ACOT1: variants seen among roughly 807,000 people sequenced by gnomAD.
ACOT1 encodes the protein acyl-coenzyme A thioesterase 1.
ACOT1 carries 8 observed loss-of-function variants against 15.7 expected under a neutral mutation model. The observed-to-expected ratio is 0.51, with a 90% CI of 0.30 to 0.92. The LOEUF (loss-of-function observed/expected upper bound fraction) is 0.92. Among genes scored for constraint, ACOT1 ranks in the 40% least tolerant of loss-of-function variants. The probability of loss-of-function intolerance (pLI) is 0.06; values close to 1 mark genes in which losing one functional copy is unlikely to be tolerated. For missense variants in ACOT1, 151 were observed against 539.4 expected (o/e 0.28, Z 7.13); for synonymous variants, 67 against 241.2 (o/e 0.28, Z 6.69).
chr14:73,498,337 TC>T, the ACOT1 span: 1 of 1,598,108 alleles, frequency 6.3e-7, no homozygotes, highest in Non-Finnish European at 8.6e-7. Flanking sequence ...GCCCAATCTG[TC>T]CCAAAGCTGC....
At chr14:73,536,516 TAAAAAAA>T (rs543491523), upstream of ACOT1, among the ~76,000 whole-genome samples, 24 of 59,338 alleles carry the variant, frequency 4.0e-4, 7 homozygotes, top group African/African-American at 1.4e-3. Context: ...CCTGTCTCTT[TAAAAAAA>T]AAAAAAAAAA....
chr14:73,519,270 A>G, the ACOT1 span: 1 of 1,160,560 alleles, frequency 8.6e-7, no homozygotes, highest in South Asian at 1.7e-5. Flanking sequence ...GCCCTAATCT[A>G]AGCCCCTAGG....
In ACOT1 at chr14:73,540,844, C is replaced by T. The variant is rs1237024539; in HGVS notation, c.458-649C>T. On this transcript the variant is annotated intron_variant, in intron 1 of 2. Transcript: ENST00000311148. ...GCAACCTCCAACTCCCGGGTTCAAG[C>T]GATTCTCCTCCCTCAGCCTCCCGAG... 7.4e-5 allele frequency among the ~76,000 whole-genome samples: 8 copies of T among 108,286 alleles called. 1 individual carries two copies. The highest frequency in any genetic ancestry group is 1.9e-4 in the African/African-American group (6 of 31,078). 71.0% of individuals were successfully genotyped at this position (108,286 alleles called of 152,430 possible). A position where few individuals can be genotyped will look rare whatever the true frequency, so the allele number is the denominator to read the frequency against.
At chr14:73,492,544 T>A in the ACOT1 span, 2 of 1,613,720 alleles carry the variant, frequency 1.2e-6, no homozygotes, top group Non-Finnish European at 1.7e-6. This position sits in a 1 kb window ranked among gnomAD's most constrained non-coding sequence, Gnocchi z 4.9. Flanking sequence ...TTCACGATTC[T>A]CTGCCCCCTG....
chr14:73,494,680 A>G, the ACOT1 span, among the ~76,000 whole-genome samples: 10 of 152,062 alleles, frequency 6.6e-5, no homozygotes, highest in Non-Finnish European at 2.9e-5. Context: ...CCTCCTTAGT[A>G]GATAGGACTA....
At chr14:73,522,982 T>G in the ACOT1 span, 76 of 1,614,076 alleles carry the variant, frequency 4.7e-5, no homozygotes, top group Non-Finnish European at 6.4e-5. Context: ...TCTTGCGGTG[T>G]AGACGGTACT....
chr14:73,500,778 C>A, the ACOT1 span: 2 of 1,569,066 alleles, frequency 1.3e-6, no homozygotes, highest in Non-Finnish European at 1.7e-6. Context: ...ACTTTCAGTA[C>A]CTAACCCCCA....
the ACOT1 span, among the ~76,000 whole-genome samples, chr14:73,501,587 T>C: frequency 2.8e-4 from 42 of 148,694 alleles, no homozygotes; most frequent in Non-Finnish European, 8.9e-5. Flanking sequence ...TTTTTTTTTT[T>C]TTTTGAGATA....
chr14:73,532,201 C>T (rs954790554), upstream of ACOT1, among the ~76,000 whole-genome samples: 3 of 114,716 alleles, frequency 2.6e-5, no homozygotes, highest in African/African-American at 5.7e-5. Context: ...AGAAGCTGTC[C>T]GTTGACTTTT....
the ACOT1 span, chr14:73,517,212 A>G: frequency 6.6e-6 from 1 of 152,264 alleles, no homozygotes; most frequent in Non-Finnish European, 1.5e-5. Context: ...GGTGCGTGCC[A>G]CCATGCCCAA....
rs1889129859 is a variant in ACOT1, at chr14:73,542,652, C to T, written c.661-398C>T. 3.6e-5 allele frequency among the ~76,000 whole-genome samples: 4 copies of T among 110,836 alleles called. 2 individuals carry two copies. The highest frequency in any genetic ancestry group is 5.7e-4 in the South Asian group (2 of 3,490). 72.7% of individuals were successfully genotyped at this position (110,836 alleles called of 152,430 possible). A position where few individuals can be genotyped will look rare whatever the true frequency, so the allele number is the denominator to read the frequency against. The stretch of plus-strand genomic sequence containing the variant: ...AACTCCTGACCTCAAATGATCCACC[C>T]GCCTCAGCCTCCCAAACTGTTGGGA... On this transcript the variant is annotated intron_variant, in intron 2 of 2. Coordinates refer to ENST00000311148, the MANE Select transcript of ACOT1 (RefSeq NM_001037161.2).
the ACOT1 span, among the ~76,000 whole-genome samples, chr14:73,523,897 G>A: frequency 2.0e-5 from 3 of 152,118 alleles, no homozygotes; most frequent in Admixed American, 2.0e-4. Flanking sequence ...AAATATTTGA[G>A]ACTCTAATTC....
rs771091368 is a variant in ACOT1, at chr14:73,537,491, C to T, written c.70C>T (p.Arg24Cys). The change falls in exon 1 of 3, where the codon CGC becomes TGC. Residue 24 changes from arginine to cysteine, a missense_variant. Coordinates refer to ENST00000311148, the MANE Select transcript of ACOT1 (RefSeq NM_001037161.2). ...GGACGAACCGGTGCGAATCGCCGTG[C>T]GCGGCCTAGCCCCGGAGCAGCCGGT... ...CWDEPVRIAV[R>C]GLAPEQPVTL... 2.5e-6 allele frequency: 3 copies of T among 1,221,360 alleles called. No homozygotes were observed. Among genetic ancestry groups the T allele is most frequent in the South Asian group, 1.4e-5 (1 of 70,034 alleles). 75.7% of individuals were successfully genotyped at this position (1,221,360 alleles called of 1,614,324 possible). A position where few individuals can be genotyped will look rare whatever the true frequency, so the allele number is the denominator to read the frequency against.
the ACOT1 span, among the ~76,000 whole-genome samples, chr14:73,505,466 G>A: frequency 0.025 from 3,743 of 151,610 alleles, 163 homozygotes; most frequent in African/African-American, 0.086. Context: ...GTGCGATCTC[G>A]GCTCACTGCA....
chr14:73,516,705 T>C, the ACOT1 span, among the ~76,000 whole-genome samples: 1 of 152,028 alleles, frequency 6.6e-6, no homozygotes, highest in Admixed American at 6.6e-5. Context: ...CAACAGGATG[T>C]GAGTGGTGGG....
At chr14:73,529,015 A>C in the ACOT1 span, 19 of 152,248 alleles carry the variant, frequency 1.2e-4, no homozygotes, top group African/African-American at 4.6e-4. Context: ...CTAGAACCAA[A>C]AGCAGAGTGG....
chr14:73,497,143 G>A, the ACOT1 span, among the ~76,000 whole-genome samples: 3 of 152,274 alleles, frequency 2.0e-5, no homozygotes, highest in East Asian at 3.9e-4. Context: ...TGATCCACCC[G>A]CCTTGGCCTC....
the ACOT1 span, among the ~76,000 whole-genome samples, chr14:73,495,678 A>G: frequency 6.6e-6 from 1 of 152,084 alleles, no homozygotes; most frequent in Non-Finnish European, 1.5e-5. Flanking sequence ...TTGGTTGGAG[A>G]TTTTTTATAC....
chr14:73,507,496 T>C, the ACOT1 span, among the ~76,000 whole-genome samples: 163 of 152,282 alleles, frequency 1.1e-3, 1 homozygote, highest in Non-Finnish European at 1.9e-3. Flanking sequence ...TACAGTGGTG[T>C]GATCTCAGCT....
Sources: allele counts gnomAD v4.1 joint callset (sites outside exome capture counted in the v4.1 genomes callset), GRCh38; gene constraint gnomAD v4.1.1; non-coding constraint Gnocchi (gnomAD v3.1); transcripts MANE v1.5; gene names NCBI Gene and HGNC (gene_info 2026-07-23, HGNC 2026-07-21).